The following ERCC6 variants were observed in gnomAD, a reference collection of about 807,000 sequenced individuals.
The protein encoded by ERCC6 is ERCC excision repair 6, chromatin remodeling factor, also known as DNA excision repair protein ERCC-6.
ERCC6 carries 116 observed loss-of-function variants against 158.7 expected under a neutral mutation model. The observed-to-expected ratio is 0.73, with a 90% CI of 0.63 to 0.85. The LOEUF (loss-of-function observed/expected upper bound fraction) is 0.85, where lower values mean the gene tolerates loss of function less well. ERCC6 is among the 40% of genes least tolerant of loss of function. ERCC6 has a pLI of 0.00. For synonymous variants in ERCC6, 678 were observed against 659.3 expected (o/e 1.03, Z -0.43); for missense variants, 1,698 against 1,799.4 (o/e 0.94, Z 1.02).
chr10:49,472,269 A>T, intron 16 of ERCC6, 107 bp downstream of exon 16: 1 of 980,544 alleles, frequency 1.0e-6, no homozygotes, highest in Non-Finnish European at 1.6e-6. Flanking sequence ...AAGTTATAGC[A>T]ACTATTATTC....
intron 18 of ERCC6, among the ~76,000 whole-genome samples, chr10:49,461,792 A>G (rs1850588187): frequency 6.6e-6 from 1 of 152,226 alleles, no homozygotes; most frequent in African/African-American, 2.4e-5. Flanking sequence ...AGCTAAAAAT[A>G]TAATGGTGGG....
chr10:49,533,602 G>C (rs1837524355), intron 1 of ERCC6, among the ~76,000 whole-genome samples: 1 of 152,012 alleles, frequency 6.6e-6, no homozygotes, highest in Non-Finnish European at 1.5e-5. Flanking sequence ...AGGACTTCGA[G>C]ACCAGCCTGG....
chr10:49,437,412 T>TTTTA, the ERCC6 span, among the ~76,000 whole-genome samples: 3 of 152,232 alleles, frequency 2.0e-5, no homozygotes, highest in African/African-American at 7.2e-5. Flanking sequence ...CAAGATCCCT[T>TTTTA]TTTATTACAT....
chr10:49,458,201 C>T lies in ERCC6; in HGVS notation c.*614G>A, dbSNP rs1850515151. 1 of 153,122 alleles carries T rather than the reference C, an allele frequency of 6.5e-6. No individual in the cohort carries two copies. Among genetic ancestry groups the T allele is most frequent in the South Asian group, 2.1e-4 (1 of 4,860 alleles). The allele number at this position is 153,122 out of a possible 1,614,324, so 9.5% of individuals were successfully genotyped here. On this transcript the variant is annotated 3_prime_UTR_variant, in exon 21 of 21. Transcript: ENST00000355832. The stretch of plus-strand genomic sequence containing the variant: ...AGCTTTCCACAAATACATGTCTTAT[C>T]ATTTATTACCATACTATTTCATGCT...
rs558274645 is a variant in ERCC6 at position 49,470,649 on chromosome 10, T to C, written c.3311A>G (p.Asn1104Ser). The stretch of plus-strand genomic sequence containing the variant: ...ATTTGTCTCTTCTCCAAGCCTATCA[T>C]TGCTAGTTACATTACTACTCATGTG... ...DPHMSSNVTS[N>S]DRLGEETNAV... The change falls in exon 18 of 21, where the codon AAT becomes AGT. Residue 1104 changes from asparagine (N) to serine (S), a missense_variant. Physicochemically the swap from Asn to Ser is conservative, Grantham distance 46. Transcript: ENST00000355832. 2.8e-5 allele frequency: 45 copies of C among 1,613,874 alleles called. No individual in the cohort carries two copies. Among genetic ancestry groups the C allele is most frequent in the South Asian group, 1.6e-4 (15 of 91,068 alleles).
chr10:49,524,364 C>A lies in ERCC6; in HGVS notation c.1066G>T (p.Glu356Ter), dbSNP rs1837257225. ...TCTGCCTCTGGCCTCATGTCTGACT[C>A]CCAAGGTCTCCTTGCCTTTGGCAAT... is the stretch of plus-strand genomic sequence containing the variant. ...VGLPKARRPW[E>*]SDMRPEAEGD... Residue 356 changes from glutamate (E) to a stop codon, truncating the protein, a stop_gained, in exon 5 of 21, where the codon GAG becomes TAG. Coordinates refer to ENST00000355832, the MANE Select transcript of ERCC6 (RefSeq NM_000124.4). LOFTEE classifies it high-confidence loss of function. 1 of 1,614,200 alleles carries A rather than the reference C, an allele frequency of 6.2e-7. No individual in the cohort carries two copies. Among genetic ancestry groups the A allele is most frequent in the Non-Finnish European group, 8.5e-7 (1 of 1,180,040 alleles).
chr10:49,503,041 G>A (rs1851381102), intron 6 of ERCC6: 1 of 152,192 alleles, frequency 6.6e-6, no homozygotes, highest in Non-Finnish European at 1.5e-5. Context: ...AACTGGACCA[G>A]CTCCTCCAGT....
intron 7 of ERCC6, among the ~76,000 whole-genome samples, chr10:49,500,108 G>A (rs1430887936): frequency 6.6e-6 from 1 of 152,164 alleles, no homozygotes; most frequent in Non-Finnish European, 1.5e-5. Context: ...TTACTGTAAT[G>A]CTCACCTGGT....
At chr10:49,503,394 A>G (rs4240510) in intron 6 of ERCC6, 12,860 of 152,140 alleles carry the variant, frequency 0.085, 682 homozygotes, top group South Asian at 0.2. Context: ...TAAGAAAATG[A>G]CATTAAAAAA....
intron 10 of ERCC6, among the ~76,000 whole-genome samples, chr10:49,479,773 C>T (rs902730444): frequency 3.3e-5 from 5 of 152,286 alleles, no homozygotes; most frequent in South Asian, 2.1e-4. Flanking sequence ...GGGGAACGGC[C>T]GGGCTGTGGC....
In ERCC6 at chr10:49,474,224, C is replaced by T. The variant is rs1435161794; in HGVS notation, c.2401G>A (p.Ala801Thr). ...GGGTGGTTGCAAATTTTTCTTAGGGCTATAAGTCCGGAGAAAATCTGTGGT... is the reference window on the plus strand; with the variant it reads ...GGGTGGTTGCAAATTTTTCTTAGGGTTATAAGTCCGGAGAAAATCTGTGGT... ...GEMQIFSGLI[A>T]LRKICNHPDL... The change falls in exon 13 of 21, where the codon GCC becomes ACC. Residue 801 changes from alanine to threonine, a missense_variant. Transcript: ENST00000355832. 9 of 1,614,024 alleles carry T rather than the reference C, an allele frequency of 5.6e-6. No homozygotes were observed. Among genetic ancestry groups the T allele is most frequent in the Non-Finnish European group, 7.6e-6 (9 of 1,179,958 alleles).
At chr10:49,507,399 C>A (rs1374499173) in intron 5 of ERCC6, among the ~76,000 whole-genome samples, 2 of 152,136 alleles carry the variant, frequency 1.3e-5, no homozygotes, top group African/African-American at 4.8e-5. Context: ...ATGGCCAAGT[C>A]TAAGGAAATA....
At chr10:49,435,019 C>G in the ERCC6 span, among the ~76,000 whole-genome samples, 3 of 151,878 alleles carry the variant, frequency 2.0e-5, no homozygotes, top group Non-Finnish European at 2.9e-5. Context: ...AAATATTAAT[C>G]AAAAGAGAAC....
intron 18 of ERCC6, among the ~76,000 whole-genome samples, chr10:49,464,676 T>G (rs1345864004): frequency 2.0e-5 from 3 of 152,200 alleles, no homozygotes; most frequent in Non-Finnish European, 2.9e-5. Context: ...TGGTGTACTG[T>G]GTCCCAGCCA....
At chr10:49,515,599 CAT>C (rs1180993970) in intron 5 of ERCC6, 18 of 1,613,980 alleles carry the variant, frequency 1.1e-5, no homozygotes, top group Non-Finnish European at 1.4e-5. Flanking sequence ...GGTTTCTCAT[CAT>C]ATGTTTTATG....
rs985863946 is a variant in ERCC6, at chr10:49,500,894, AT to A, written c.1527-199del. 3 of 593,096 alleles carry A rather than the reference AT, an allele frequency of 5.1e-6. No individual in the cohort carries two copies. The African/African-American group carries it at 5.6e-5, about 11-fold the overall frequency. The allele number at this position is 593,096 out of a possible 1,614,324, so 36.7% of individuals were successfully genotyped here. On this transcript the variant is annotated intron_variant, in intron 6 of 20. Transcript: ENST00000355832. Reference sequence around the variant, plus strand: ...GATCACCTAGGCATAAAAATCACAAATTTTTCTTTACAAAACATTAACACAT... The same window carrying A: ...GATCACCTAGGCATAAAAATCACAAATTTTCTTTACAAAACATTAACACAT...
At position 49,461,525 on chromosome 10, in the gene ERCC6, G is replaced by A; in HGVS notation, c.3810C>T (p.Ala1270=). 2 of 1,614,016 alleles carry A rather than the reference G, an allele frequency of 1.2e-6. No individual in the cohort carries two copies. The highest frequency in any genetic ancestry group is 1.7e-6 in the Non-Finnish European group (2 of 1,179,974). ...VGVHSVMKHD[A]IMDGASPDYV... Reference sequence around the variant, plus strand: ...AATCTGGGCTGGCTCCATCCATGATGGCATCGTGCTTCATGACACTGTGCA... The same window carrying A: ...AATCTGGGCTGGCTCCATCCATGATAGCATCGTGCTTCATGACACTGTGCA... The change falls in exon 19 of 21, where the codon GCC becomes GCT. Residue 1270 remains alanine (A), a synonymous_variant. Transcript: ENST00000355832.
rs566920571 is a variant in ERCC6, at chr10:49,458,796, G to T, written c.*19C>A. The stretch of plus-strand genomic sequence containing the variant: ...GCCCGTTAGAAAAAGGGACTTGAAA[G>T]TTTAGGAAGCAATGTTGTTTAGCAG... On this transcript the variant is annotated 3_prime_UTR_variant, in exon 21 of 21. Coordinates refer to ENST00000355832, the MANE Select transcript of ERCC6 (RefSeq NM_000124.4). 2 of 1,613,434 alleles carry T rather than the reference G, an allele frequency of 1.2e-6. No homozygotes were observed. The highest frequency in any genetic ancestry group is 1.7e-6 in the Non-Finnish European group (2 of 1,179,378).
intron 5 of ERCC6, among the ~76,000 whole-genome samples, chr10:49,513,410 T>C (rs1317161143): frequency 6.6e-6 from 1 of 152,234 alleles, no homozygotes; most frequent in East Asian, 1.9e-4. Flanking sequence ...TACTGGGCAC[T>C]ATTTTAAGTA....
Sources: allele counts gnomAD v4.1 joint callset (sites outside exome capture counted in the v4.1 genomes callset), GRCh38; gene constraint gnomAD v4.1.1; transcripts MANE v1.5; gene names NCBI Gene and HGNC (gene_info 2026-07-23, HGNC 2026-07-21).